The following WDR59 variants were observed in gnomAD, a reference collection of about 807,000 sequenced individuals.
The protein encoded by WDR59 is WD repeat domain 59.
In WDR59, 100 loss-of-function variants were observed where a neutral mutation model predicts 131.2. The ratio of observed to expected loss-of-function variants is 0.76; its 90% confidence interval spans 0.65 to 0.90. WDR59 has a LOEUF of 0.90. Ranked by LOEUF, WDR59 falls within the 40% of genes least tolerant of loss-of-function variation. The pLI is 0.00. For synonymous variants in WDR59, 601 were observed against 466.2 expected (o/e 1.29, Z -3.72); for missense variants, 1,203 against 1,262.2 (o/e 0.95, Z 0.71).
chr16:74,923,399 G>A (rs1242614156), intron 9 of WDR59, among the ~76,000 whole-genome samples: 1 of 152,028 alleles, frequency 6.6e-6, no homozygotes, highest in Admixed American at 6.6e-5. Context: ...ATCTTTACAT[G>A]GCCTAGCTTC....
In WDR59 at chr16:74,952,395, T is replaced by C. The variant is rs1415342544; in HGVS notation, c.241-852A>G. Among the ~76,000 whole-genome samples the C allele has an allele frequency of 4.7e-5, 7 of 148,106 alleles. No individual in the cohort carries two copies. In the East Asian group the frequency reaches 1.4e-3, roughly 29 times the overall value. ...AGGTCGAGGCAATAGTAAGCTGTGA[T>C]TGTGCCACTGTACTCCAGCCTGGGT... On this transcript the variant is annotated intron_variant, in intron 3 of 25. Coordinates refer to ENST00000262144, the MANE Select transcript of WDR59 (RefSeq NM_030581.4).
Position 74,920,200 on chromosome 16 carries a change from T to A in WDR59, c.886+1747A>T, listed in dbSNP as rs572048468. Among the ~76,000 whole-genome samples, 248 of 152,282 alleles carry A rather than the reference T, an allele frequency of 1.6e-3. 6 individuals are homozygous for A. In the South Asian group the frequency reaches 0.049, roughly 30 times the overall value. The stretch of plus-strand genomic sequence containing the variant: ...ATGGTTCAACTTACAATTTTTTGAC[T>A]TTATGATGGCGTGAAACTGTCACAA... On this transcript the variant is annotated intron_variant, in intron 10 of 25. Transcript: ENST00000262144.
intron 7 of WDR59, among the ~76,000 whole-genome samples, chr16:74,941,853 C>T (rs751835072): frequency 1.3e-5 from 2 of 152,176 alleles, no homozygotes; most frequent in Non-Finnish European, 2.9e-5. Context: ...ATCTCTGCTC[C>T]ACTTCTCGCT....
chr16:74,925,940 A>G (rs2030745882), intron 8 of WDR59, among the ~76,000 whole-genome samples: 1 of 151,446 alleles, frequency 6.6e-6, no homozygotes, highest in African/African-American at 2.4e-5. Flanking sequence ...AGCTATGATC[A>G]TACCACTGCA....
In WDR59 at chr16:74,934,918, C is replaced by T. The variant is rs553847817; in HGVS notation, c.651+3232G>A. ...GTCCTAGGAAACAGACTCAAAGCTACATGTTTCTCACCAGAATGTAGCAAG... is the reference window on the plus strand; with the variant it reads ...GTCCTAGGAAACAGACTCAAAGCTATATGTTTCTCACCAGAATGTAGCAAG... On this transcript the variant is annotated intron_variant, in intron 8 of 25. Coordinates refer to ENST00000262144, the MANE Select transcript of WDR59 (RefSeq NM_030581.4). Among the ~76,000 whole-genome samples, 33 of 152,140 alleles carry T rather than the reference C, an allele frequency of 2.2e-4. 1 individual carries two copies. Among genetic ancestry groups the T allele is most frequent in the African/African-American group, 7.7e-4 (32 of 41,510 alleles).
intron 18 of WDR59, among the ~76,000 whole-genome samples, chr16:74,896,621 C>G (rs1009163836): frequency 2.8e-5 from 4 of 143,678 alleles, no homozygotes; most frequent in African/African-American, 1.1e-4. Flanking sequence ...GGCAACAGAG[C>G]AAGACCCTGC....
chr16:74,879,917 A>G (rs1964397258), intron 25 of WDR59, among the ~76,000 whole-genome samples: 1 of 152,154 alleles, frequency 6.6e-6, no homozygotes, highest in Admixed American at 6.5e-5. Context: ...TGGGTGTGGC[A>G]GCTCATGCTT....
intron 1 of WDR59, among the ~76,000 whole-genome samples, chr16:74,976,902 G>C (rs866825382): frequency 6.6e-6 from 1 of 152,046 alleles, no homozygotes; most frequent in Non-Finnish European, 1.5e-5. Context: ...AACTACTTAA[G>C]AGGCCAAGGC....
At chr16:74,929,159 C>A (rs1416957259) in intron 8 of WDR59, among the ~76,000 whole-genome samples, 1 of 152,092 alleles carries the variant, frequency 6.6e-6, no homozygotes, top group African/African-American at 2.4e-5. Flanking sequence ...ACGGCAAGCT[C>A]GTCCTCCCGG....
At chr16:74,946,798 T>C (rs2032669518) in intron 6 of WDR59, among the ~76,000 whole-genome samples, 2 of 152,080 alleles carry the variant, frequency 1.3e-5, no homozygotes, top group South Asian at 2.1e-4. Context: ...AATACAGTCA[T>C]GATGCTAAAG....
At chr16:74,903,370 C>G (rs1965645652) in intron 18 of WDR59, among the ~76,000 whole-genome samples, 1 of 152,048 alleles carries the variant, frequency 6.6e-6, no homozygotes, top group Admixed American at 6.6e-5. Flanking sequence ...TTTCTGACAG[C>G]TTAATGATAA....
At chr16:74,972,821 T>TAAAAAAA (rs57885889) in intron 1 of WDR59, among the ~76,000 whole-genome samples, 1 of 55,064 alleles carries the variant, frequency 1.8e-5, no homozygotes, top group African/African-American at 5.3e-5. Flanking sequence ...GACTCTGTCT[T>TAAAAAAA]AAAAAAAAAA....
intron 25 of WDR59, among the ~76,000 whole-genome samples, chr16:74,877,954 C>A (rs1964294737): frequency 6.6e-6 from 1 of 152,208 alleles, no homozygotes; most frequent in Non-Finnish European, 1.5e-5. Context: ...ACAACTCTTT[C>A]TCAAACTGCC....
At chr16:74,946,046 T>G (rs1408644209) in intron 6 of WDR59, among the ~76,000 whole-genome samples, 1 of 151,930 alleles carries the variant, frequency 6.6e-6, no homozygotes, top group Admixed American at 6.6e-5. Context: ...ACTCCTGACC[T>G]CAGGTGATCC....
At chr16:74,912,507 C>T (rs1201268811) in intron 13 of WDR59, 145 bp from the exon 14 acceptor site, 1 of 887,650 alleles carries the variant, frequency 1.1e-6, no homozygotes, top group Non-Finnish European at 1.6e-6. Flanking sequence ...GAAGACAATT[C>T]ATTTTCAAAA....
intron 8 of WDR59, among the ~76,000 whole-genome samples, chr16:74,936,658 T>C (rs1055136968): frequency 3.3e-5 from 5 of 152,184 alleles, no homozygotes; most frequent in East Asian, 1.9e-4. Flanking sequence ...AAACCCTGTC[T>C]GTACTAAAAA....
Position 74,886,319 on chromosome 16 carries a change from A to T in WDR59, c.2497T>A (p.Tyr833Asn). The part of the protein sequence containing the change: ...PEELRFGSLT[Y>N]SDPRERERDQ... Reference sequence around the variant, plus strand: ...CGTTCTCGCTCACGGGGATCACTGTAGGTCAGACTCCCAAAGCGGAGCTCT... The same window carrying T: ...CGTTCTCGCTCACGGGGATCACTGTTGGTCAGACTCCCAAAGCGGAGCTCT... Residue 833 changes from tyrosine to asparagine, a missense_variant, in exon 24 of 26, where the codon TAC (tyrosine) becomes AAC (asparagine). Transcript: ENST00000262144. The T allele has an allele frequency of 4.3e-6, 7 of 1,614,018 alleles. No homozygotes were observed. The highest frequency in any genetic ancestry group is 5.9e-6 in the Non-Finnish European group (7 of 1,180,008).
chr16:74,931,324 T>C (rs1055866613), intron 8 of WDR59, among the ~76,000 whole-genome samples: 1 of 152,186 alleles, frequency 6.6e-6, no homozygotes, highest in Non-Finnish European at 1.5e-5. Flanking sequence ...AAAAAATGTT[T>C]GCTCTTATGA....
At chr16:74,949,330 C>CAAAAAAA (rs550013099) in intron 5 of WDR59, among the ~76,000 whole-genome samples, 5 of 42,578 alleles carry the variant, frequency 1.2e-4, no homozygotes, top group Admixed American at 3.0e-4. Flanking sequence ...TACCTTGTCT[C>CAAAAAAA]AAAAAAAAAA....
Sources: gnomAD v4.1 joint callset for allele counts (sites outside exome capture counted in the v4.1 genomes callset) on GRCh38, gnomAD v4.1.1 for gene constraint, MANE v1.5 for transcripts, NCBI Gene and HGNC (gene_info 2026-07-23, HGNC 2026-07-21) for gene names.